The following IFRD1 variants were observed in gnomAD, a reference collection of about 807,000 sequenced individuals.
IFRD1 encodes interferon-related developmental regulator 1.
In IFRD1, 35 loss-of-function variants were observed where a neutral mutation model predicts 52.9. That is an observed-to-expected ratio of 0.66 (90% CI 0.51 to 0.88). The LOEUF (loss-of-function observed/expected upper bound fraction) is 0.88. Ranked by LOEUF, IFRD1 falls within the 40% of genes least tolerant of loss-of-function variation. The pLI, the probability that IFRD1 is intolerant of heterozygous loss-of-function variation, is 0.00. For missense variants in IFRD1, 517 were observed against 550.8 expected, an observed-to-expected ratio of 0.94 and a Z score of 0.61; for synonymous variants, 184 against 188.4, an observed-to-expected ratio of 0.98 and a Z score of 0.19.
intron 9 of IFRD1, 125 bp downstream of exon 9, chr7:112,468,240 C>T: frequency 2.8e-6 from 3 of 1,058,940 alleles, no homozygotes; most frequent in Middle Eastern, 2.1e-4. Context: ...ATTTTACGAC[C>T]TAGCAGGTTT....
chr7:112,459,830 A>C (rs748718598), intron 5 of IFRD1, among the ~76,000 whole-genome samples: 1 of 152,222 alleles, frequency 6.6e-6, no homozygotes. Context: ...TTTTGCATCT[A>C]GTTCCTTGGC....
chr7:112,454,271 G>T (rs1275637140), intron 1 of IFRD1, among the ~76,000 whole-genome samples: 2 of 151,428 alleles, frequency 1.3e-5, no homozygotes, highest in Non-Finnish European at 2.9e-5. Flanking sequence ...TCGGCTCACT[G>T]CAGTCTGTGC....
intron 3 of IFRD1, among the ~76,000 whole-genome samples, chr7:112,456,575 A>T (rs1357646609): frequency 2.4e-5 from 3 of 125,584 alleles, no homozygotes; most frequent in Non-Finnish European, 5.1e-5. Flanking sequence ...TTATAGTTTT[A>T]AAAAAAGTGT....
chr7:112,435,108 T>A (rs974658944), intron 1 of IFRD1, among the ~76,000 whole-genome samples: 3 of 152,176 alleles, frequency 2.0e-5, no homozygotes, highest in African/African-American at 4.8e-5. Flanking sequence ...CTTTTATAGG[T>A]TGGATTAATG....
chr7:112,433,371 GT>G (rs1182252755), intron 1 of IFRD1, among the ~76,000 whole-genome samples: 1 of 152,180 alleles, frequency 6.6e-6, no homozygotes, highest in Non-Finnish European at 1.5e-5. Context: ...CAGTTCCTGG[GT>G]GGGGCCAGAA....
upstream of IFRD1, among the ~76,000 whole-genome samples, chr7:112,445,734 C>A (rs1795013311): frequency 6.6e-6 from 1 of 152,106 alleles, no homozygotes; most frequent in Non-Finnish European, 1.5e-5. Context: ...GGATTCCAGC[C>A]CATAAACACT....
chr7:112,461,746 T>C, intron 5 of IFRD1, 120 bp from the exon 6 acceptor site: 1 of 566,072 alleles, frequency 1.8e-6, no homozygotes, highest in Non-Finnish European at 3.0e-6. Flanking sequence ...GTATAATGTT[T>C]GGGACCTAAT....
At chr7:112,428,789 T>C (rs1354152342) in intron 1 of IFRD1, among the ~76,000 whole-genome samples, 1 of 152,192 alleles carries the variant, frequency 6.6e-6, no homozygotes, top group African/African-American at 2.4e-5. Context: ...CTTTTAAAGC[T>C]GGTATTAGCT....
intron 10 of IFRD1, 62 bp downstream of exon 10, chr7:112,472,409 A>C: frequency 8.3e-6 from 13 of 1,572,454 alleles, no homozygotes; most frequent in East Asian, 2.2e-5. Context: ...AATATAGCTC[A>C]CTTAATTGGC....
At chr7:112,428,791 G>A (rs1794485114) in intron 1 of IFRD1, among the ~76,000 whole-genome samples, 1 of 152,090 alleles carries the variant, frequency 6.6e-6, no homozygotes, top group Non-Finnish European at 1.5e-5. Context: ...TTTAAAGCTG[G>A]TATTAGCTTC....
intron 1 of IFRD1, among the ~76,000 whole-genome samples, chr7:112,443,607 C>T (rs1290255452): frequency 6.6e-6 from 1 of 152,056 alleles, no homozygotes; most frequent in African/African-American, 2.4e-5. Context: ...TGTGGTGGCT[C>T]ATGCCTGTAA....
chr7:112,444,112 C>G (rs1794963009), intron 1 of IFRD1, among the ~76,000 whole-genome samples: 1 of 152,194 alleles, frequency 6.6e-6, no homozygotes, highest in Non-Finnish European at 1.5e-5. Flanking sequence ...TGCGTCATAA[C>G]TATCCTAGTT....
At chr7:112,454,412 C>T (rs1795237980) in intron 1 of IFRD1, among the ~76,000 whole-genome samples, 2 of 151,966 alleles carry the variant, frequency 1.3e-5, no homozygotes, top group African/African-American at 4.8e-5. Context: ...AGGCTGGTCT[C>T]CAACTCCTGA....
At chr7:112,442,892 G>T (rs1024772308) in intron 1 of IFRD1, among the ~76,000 whole-genome samples, 1 of 152,206 alleles carries the variant, frequency 6.6e-6, no homozygotes, top group Admixed American at 6.5e-5. Flanking sequence ...GTGAGTTCTA[G>T]CACTGTCAGA....
At chr7:112,442,975 G>A (rs1183528906) in intron 1 of IFRD1, among the ~76,000 whole-genome samples, 1 of 152,174 alleles carries the variant, frequency 6.6e-6, no homozygotes. Flanking sequence ...GCTGAGTACT[G>A]AGCTAAGTAC....
At chr7:112,451,668 T>G (rs997046100) in intron 1 of IFRD1, among the ~76,000 whole-genome samples, 1 of 152,120 alleles carries the variant, frequency 6.6e-6, no homozygotes, top group Admixed American at 6.5e-5. Flanking sequence ...TATTATATGG[T>G]TAAGAAAAAG....
In IFRD1 at chr7:112,466,454, G is replaced by A. The variant is rs10275123; in HGVS notation, c.907-1527G>A. ...GATATTTTGGGCTGGATTATATTTT[G>A]TCATTGTAGGGGTGGGGGCTGTCTT... On this transcript the variant is annotated intron_variant, in intron 8 of 11. Coordinates refer to ENST00000403825, the MANE Select transcript of IFRD1 (RefSeq NM_001550.4). Among the ~76,000 whole-genome samples, 675 of 152,140 alleles carry A rather than the reference G, an allele frequency of 4.4e-3. 4 individuals are homozygous for A. Among genetic ancestry groups the A allele is most frequent in the African/African-American group, 0.016 (644 of 41,512 alleles).
rs1294931545 is a variant in IFRD1 at position 112,450,780 on chromosome 7, C to T, written c.92C>T (p.Ala31Val). 1.2e-6 allele frequency: 2 copies of T among 1,610,056 alleles called. No individual in the cohort carries two copies. The highest frequency in any genetic ancestry group is 1.7e-6 in the Non-Finnish European group (2 of 1,177,482). ...SGAAAATAAT[A>V]GGQHRNVQPF... The stretch of plus-strand genomic sequence containing the variant: ...GCAGCCGCAGCGACGGCGGCGACAG[C>T]AGGTAAGGGGTATCCCCGCCGCCGG... The change falls in exon 1 of 12, where the codon GCA becomes GTA. Residue 31 changes from alanine (A) to valine (V), a missense_variant and splice_region_variant. Ala to Val is a moderately conservative substitution (Grantham distance 64, BLOSUM62 0). Transcript: ENST00000403825.
intron 8 of IFRD1, among the ~76,000 whole-genome samples, chr7:112,464,643 A>G (rs1218134654): frequency 1.3e-5 from 2 of 152,226 alleles, no homozygotes; most frequent in Non-Finnish European, 2.9e-5. Context: ...TGCATTTGGC[A>G]GTAGTCTACT....
Sources: gnomAD v4.1 joint callset for allele counts (sites outside exome capture counted in the v4.1 genomes callset) on GRCh38, gnomAD v4.1.1 for gene constraint, MANE v1.5 for transcripts, NCBI Gene and HGNC (gene_info 2026-07-23, HGNC 2026-07-21) for gene names.